The following EEPD1 variants were observed in gnomAD, a reference collection of about 807,000 sequenced individuals.
EEPD1 encodes the protein endonuclease/exonuclease/phosphatase family domain-containing protein 1.
Under a neutral mutation model 46.3 loss-of-function variants are expected in EEPD1, and 17 were observed. The ratio of observed to expected loss-of-function variants is 0.37; its 90% CI spans 0.25 to 0.55. EEPD1 has a LOEUF of 0.55. EEPD1 is among the 20% of genes least tolerant of loss of function. The pLI is 0.83. For synonymous variants in EEPD1, 313 were observed against 315.6 expected (o/e 0.99, Z 0.09); for missense variants, 673 against 745.6 (o/e 0.90, Z 1.13).
At chr7:36,202,194 G>A (rs1197670966) in intron 2 of EEPD1, among the ~76,000 whole-genome samples, 1 of 152,162 alleles carries the variant, frequency 6.6e-6, no homozygotes, top group African/African-American at 2.4e-5. Context: ...GTCAGTGTGA[G>A]AACTGAGAAA....
chr7:36,173,302 C>T (rs370248600), intron 2 of EEPD1, among the ~76,000 whole-genome samples: 7 of 112,566 alleles, frequency 6.2e-5, no homozygotes, highest in African/African-American at 2.4e-4. Flanking sequence ...TCGTGGCCAA[C>T]ATGGTGAAAG....
Position 36,155,004 on chromosome 7 carries a change from A to G in EEPD1, c.680A>G (p.Gln227Arg). The change falls in exon 2 of 8, where the codon CAG (glutamine) becomes CGG (arginine). Residue 227 changes from glutamine (Q) to arginine (R), a missense_variant. Gln to Arg is a conservative substitution (Grantham distance 43). Transcript: ENST00000242108. ...CCGAGCCCCACTTCCCTGAGCCTGC[A>G]GAGTGAGGACCTGGACCTGCCGCCA... ...PHPSPTSLSL[Q>R]SEDLDLPPGG... The G allele has an allele frequency of 1.9e-6, 3 of 1,612,546 alleles. No individual in the cohort carries two copies. Among genetic ancestry groups the G allele is most frequent in the African/African-American group, 1.3e-5 (1 of 75,034 alleles).
At chr7:36,166,701 C>T (rs77368338) in intron 2 of EEPD1, among the ~76,000 whole-genome samples, 170 of 152,288 alleles carry the variant, frequency 1.1e-3, no homozygotes, top group African/African-American at 4.0e-3. Context: ...ATTCAAACTG[C>T]TGTGGTATTT....
At chr7:36,188,413 C>T (rs902985880) in intron 2 of EEPD1, among the ~76,000 whole-genome samples, 4 of 152,104 alleles carry the variant, frequency 2.6e-5, no homozygotes, top group Non-Finnish European at 4.4e-5. Flanking sequence ...GTGTCTGGCA[C>T]CTTCTGGCTC....
intron 2 of EEPD1, among the ~76,000 whole-genome samples, chr7:36,207,888 G>GTT (rs35062290): frequency 1.2e-3 from 151 of 122,134 alleles, no homozygotes; most frequent in African/African-American, 3.3e-3. Context: ...CAGTGCAGGA[G>GTT]TTTTTTTTTT....
intron 2 of EEPD1, among the ~76,000 whole-genome samples, chr7:36,175,514 G>C (rs914503830): frequency 6.6e-6 from 1 of 151,912 alleles, no homozygotes; most frequent in Non-Finnish European, 1.5e-5. Flanking sequence ...TTACAGGGGT[G>C]AACCATTGTG....
intron 4 of EEPD1, among the ~76,000 whole-genome samples, chr7:36,282,349 G>C (rs1787275127): frequency 6.6e-6 from 1 of 152,196 alleles, no homozygotes; most frequent in Non-Finnish European, 1.5e-5. Flanking sequence ...TATGTACCAG[G>C]CATATTGTTT....
rs141904135 is a variant in EEPD1 at position 36,228,137 on chromosome 7, T to C, written c.879-10848T>C. On this transcript the variant is annotated intron_variant, in intron 2 of 7. Coordinates refer to ENST00000242108, the MANE Select transcript of EEPD1 (RefSeq NM_030636.3). ...ATTTCCTCAGAAGTTAACCTGGAAC[T>C]TTGCTTGAAAGGGAAAAGAGGCGTG... is the stretch of plus-strand genomic sequence containing the variant. Among the ~76,000 whole-genome samples the C allele has an allele frequency of 7.5e-3, 1,135 of 152,280 alleles. 7 individuals carry two copies. The highest frequency in any genetic ancestry group is 0.026 in the African/African-American group (1,065 of 41,568).
At chr7:36,293,896 G>A (rs184971285) in intron 6 of EEPD1, among the ~76,000 whole-genome samples, 3 of 152,004 alleles carry the variant, frequency 2.0e-5, no homozygotes, top group African/African-American at 4.8e-5. Context: ...CCCGGGAGGC[G>A]GAAGCTGTAG....
chr7:36,205,796 G>C (rs1175182771), intron 2 of EEPD1, among the ~76,000 whole-genome samples: 1 of 152,222 alleles, frequency 6.6e-6, no homozygotes, highest in Non-Finnish European at 1.5e-5. Context: ...TTTTTAAAGT[G>C]TGACTGCCTC....
intron 2 of EEPD1, among the ~76,000 whole-genome samples, chr7:36,229,622 C>T (rs1562694465): frequency 6.6e-6 from 1 of 152,156 alleles, no homozygotes; most frequent in Non-Finnish European, 1.5e-5. Context: ...GGCATCATCT[C>T]CACCACCCCC....
At chr7:36,285,459 C>A (rs1477587895) in intron 5 of EEPD1, among the ~76,000 whole-genome samples, 2 of 152,158 alleles carry the variant, frequency 1.3e-5, no homozygotes, top group Non-Finnish European at 2.9e-5. Context: ...AATCTCTGTC[C>A]CCCCAGCATC....
At chr7:36,295,406 T>A (rs1398925150) in intron 6 of EEPD1, among the ~76,000 whole-genome samples, 1 of 152,142 alleles carries the variant, frequency 6.6e-6, no homozygotes, top group Non-Finnish European at 1.5e-5. Context: ...TTATACCTCA[T>A]AAGTATCCAT....
chr7:36,274,138 G>T (rs1262701559), intron 3 of EEPD1, among the ~76,000 whole-genome samples: 1 of 152,248 alleles, frequency 6.6e-6, no homozygotes, highest in East Asian at 1.9e-4. Flanking sequence ...CCTTGTCTTG[G>T]CTCTGCAGGA....
intron 2 of EEPD1, among the ~76,000 whole-genome samples, chr7:36,183,288 T>G (rs1785306439): frequency 6.6e-6 from 1 of 152,246 alleles, no homozygotes; most frequent in Admixed American, 6.5e-5. Flanking sequence ...ACAATTTAGT[T>G]GTGCTCCTAG....
At chr7:36,287,265 T>TAAAAAA (rs1787354509) in intron 5 of EEPD1, among the ~76,000 whole-genome samples, 1 of 73,628 alleles carries the variant, frequency 1.4e-5, no homozygotes, top group African/African-American at 5.9e-5. Flanking sequence ...AAAAAAAAAG[T>TAAAAAA]GCTGGAGTTA....
intron 3 of EEPD1, among the ~76,000 whole-genome samples, chr7:36,244,038 A>G (rs1442042918): frequency 1.3e-5 from 2 of 152,174 alleles, no homozygotes; most frequent in Non-Finnish European, 1.5e-5. Context: ...CCTAAAACTT[A>G]AAGTATAATA....
intron 2 of EEPD1, among the ~76,000 whole-genome samples, chr7:36,221,005 C>A (rs1786135617): frequency 6.6e-6 from 1 of 152,180 alleles, no homozygotes; most frequent in African/African-American, 2.4e-5. Flanking sequence ...GACAGGGTTT[C>A]ACCATGTTGG....
intron 2 of EEPD1, among the ~76,000 whole-genome samples, chr7:36,224,244 C>T (rs1295994984): frequency 6.6e-6 from 1 of 152,166 alleles, no homozygotes; most frequent in Non-Finnish European, 1.5e-5. Context: ...TCATCATCAC[C>T]CCTGTTCAGT....
Sources: allele counts gnomAD v4.1 joint callset (sites outside exome capture counted in the v4.1 genomes callset), GRCh38; gene constraint gnomAD v4.1.1; transcripts MANE v1.5; gene names NCBI Gene and HGNC (gene_info 2026-07-23, HGNC 2026-07-21).